GUCY2C: variants seen among roughly 807,000 people sequenced by gnomAD.
The protein encoded by GUCY2C is guanylate cyclase 2C, also known as guanylyl cyclase C.
In GUCY2C, 118 loss-of-function variants were observed where a neutral mutation model predicts 131.1. The ratio of observed to expected loss-of-function variants is 0.90; its 90% CI spans 0.78 to 1.05. The LOEUF (loss-of-function observed/expected upper bound fraction) is 1.05. Among genes scored for constraint, GUCY2C ranks in the 50% least tolerant of loss-of-function variants. The probability of loss-of-function intolerance (pLI) is 0.00; values close to 1 mark genes in which losing one functional copy is unlikely to be tolerated. For missense variants in GUCY2C, 1,161 were observed against 1,304.4 expected (o/e 0.89, Z 1.69); for synonymous variants, 452 against 457.8 (o/e 0.99, Z 0.16).
chr12:14,634,662 T>C (rs1947222931), intron 19 of GUCY2C, among the ~76,000 whole-genome samples: 1 of 152,224 alleles, frequency 6.6e-6, no homozygotes, highest in African/African-American at 2.4e-5. Flanking sequence ...TTAAAAGATA[T>C]AGACTGGTTC....
intron 1 of GUCY2C, among the ~76,000 whole-genome samples, chr12:14,693,373 G>A (rs1033611246): frequency 1.3e-5 from 2 of 152,192 alleles, no homozygotes; most frequent in African/African-American, 4.8e-5. Context: ...ACAGCCTCAG[G>A]GAGGTGATGT....
chr12:14,651,003 T>A lies in GUCY2C; in HGVS notation c.1710+404A>T, dbSNP rs1433632053. 2.0e-5 allele frequency among the ~76,000 whole-genome samples: 3 copies of A among 152,108 alleles called. No homozygotes were observed. In the East Asian group the frequency reaches 5.8e-4, roughly 29 times the overall value. ...CTGGCAACTCCCAGATGATCCTCAGTCCAAGAGTGGAGTAATAATTTGGAC... is the reference window on the plus strand; with the variant it reads ...CTGGCAACTCCCAGATGATCCTCAGACCAAGAGTGGAGTAATAATTTGGAC... On this transcript the variant is annotated intron_variant, in intron 15 of 26. Coordinates refer to ENST00000261170, the MANE Select transcript of GUCY2C (RefSeq NM_004963.4).
chr12:14,689,697 C>T lies in GUCY2C; in HGVS notation c.218-1634G>A, dbSNP rs373787175. On this transcript the variant is annotated intron_variant, in intron 1 of 26. Transcript: ENST00000261170. ...TTTTGATATCTCAAATGAAAACTCA[C>T]GCATGAGGGAATGGCCTTTTACCAG... Among the ~76,000 whole-genome samples, 41 of 152,252 alleles carry T rather than the reference C, an allele frequency of 2.7e-4. 1 individual carries two copies. The highest frequency in any genetic ancestry group is 8.4e-4 in the African/African-American group (35 of 41,538).
rs1432280666 is a variant in GUCY2C at position 14,641,113 on chromosome 12, G to GA, written c.2036_2037insT (p.Phe680LeufsTer11). ...GGTCCCGACAGCTCAAAGTGTAGAA[G>GA]GTTTCTTTCCGCAGGATGATCTCCT... On this transcript the variant is annotated frameshift_variant, in exon 18 of 27. Coordinates refer to ENST00000261170, the MANE Select transcript of GUCY2C (RefSeq NM_004963.4). LOFTEE classifies it high-confidence loss of function. 1 of 1,613,756 alleles carries GA rather than the reference G, an allele frequency of 6.2e-7. No individual in the cohort carries two copies. Among genetic ancestry groups the GA allele is most frequent in the African/African-American group, 1.3e-5 (1 of 75,024 alleles).
At chr12:14,690,787 C>T (rs376817928) in intron 1 of GUCY2C, among the ~76,000 whole-genome samples, 9 of 152,076 alleles carry the variant, frequency 5.9e-5, no homozygotes, top group African/African-American at 9.7e-5. Flanking sequence ...ATGATCCGCC[C>T]GCCTCGGCCT....
At chr12:14,691,721 C>G (rs144057338) in intron 1 of GUCY2C, among the ~76,000 whole-genome samples, 40 of 152,230 alleles carry the variant, frequency 2.6e-4, no homozygotes, top group African/African-American at 9.4e-4. Context: ...CAGCTAAACT[C>G]AAGTAGAAAC....
At chr12:14,665,626 T>C (rs895074754) in intron 10 of GUCY2C, 1 of 152,250 alleles carries the variant, frequency 6.6e-6, no homozygotes, top group Non-Finnish European at 1.5e-5. Flanking sequence ...ATTTTTGTGA[T>C]ACAGGAAGCA....
intron 3 of GUCY2C, among the ~76,000 whole-genome samples, chr12:14,684,852 A>C (rs1050269274): frequency 6.6e-6 from 1 of 151,416 alleles, no homozygotes; most frequent in African/African-American, 2.4e-5. Flanking sequence ...TTATTTTTAA[A>C]CTTTCTGGAG....
chr12:14,625,662 T>C, intron 21 of GUCY2C, 95 bp downstream of exon 21: 1 of 1,291,268 alleles, frequency 7.7e-7, no homozygotes, highest in Non-Finnish European at 1.1e-6. Flanking sequence ...AATAATCTAC[T>C]GAAGAATATA....
intron 6 of GUCY2C, 23 bp from the exon 7 acceptor site, chr12:14,676,994 C>T (rs373400597): frequency 2.3e-6 from 2 of 869,092 alleles, no homozygotes; most frequent in East Asian, 2.7e-5. Flanking sequence ...GCACAGGTTC[C>T]TCATGAAAAT....
chr12:14,660,719 T>C (rs1278727262), intron 11 of GUCY2C, among the ~76,000 whole-genome samples: 1 of 152,236 alleles, frequency 6.6e-6, no homozygotes. Context: ...AGTTGCTAAG[T>C]AACACGCTTA....
chr12:14,677,032 A>G, intron 6 of GUCY2C, 61 bp from the exon 7 acceptor site: 2 of 534,140 alleles, frequency 3.7e-6, no homozygotes, highest in South Asian at 3.4e-5. Context: ...CATCTTCTAT[A>G]GTTCACACAA....
chr12:14,682,986 A>T lies in GUCY2C; in HGVS notation c.611+56T>A. Reference sequence around the variant, plus strand: ...TGGTAATAACTAGGTGGCCTGCATGATCCTATGGCTTCTCTCCATGGCAAG... The same window carrying T: ...TGGTAATAACTAGGTGGCCTGCATGTTCCTATGGCTTCTCTCCATGGCAAG... On this transcript the variant is annotated intron_variant, in intron 4 of 26. Transcript: ENST00000261170. 5 of 1,216,456 alleles carry T rather than the reference A, an allele frequency of 4.1e-6. No individual in the cohort carries two copies. In the South Asian group the frequency reaches 4.9e-5, roughly 12 times the overall value. The allele number at this position is 1,216,456 out of a possible 1,614,324, so 75.4% of individuals were successfully genotyped here.
At chr12:14,679,786 T>A (rs1316619589) in intron 5 of GUCY2C, 33 bp from the exon 6 acceptor site, 1 of 1,075,926 alleles carries the variant, frequency 9.3e-7, no homozygotes, top group South Asian at 1.3e-5. Flanking sequence ...GAGAGAAATA[T>A]ATGACAGTCT....
intron 4 of GUCY2C, 86 bp downstream of exon 4, chr12:14,682,956 G>A (rs908867610): frequency 4.9e-6 from 4 of 820,402 alleles, no homozygotes; most frequent in South Asian, 3.0e-5. Flanking sequence ...AGTGGAAGGT[G>A]CATCTGGTAA....
intron 25 of GUCY2C, among the ~76,000 whole-genome samples, chr12:14,615,571 A>T (rs1041122372): frequency 6.6e-6 from 1 of 150,644 alleles, no homozygotes; most frequent in African/African-American, 2.4e-5. Flanking sequence ...CACTATTTTT[A>T]AAAAATGAGT....
chr12:14,653,788 ACT>A (rs1361086977), intron 12 of GUCY2C, among the ~76,000 whole-genome samples: 5 of 152,114 alleles, frequency 3.3e-5, no homozygotes, highest in Non-Finnish European at 7.3e-5. Context: ...GAGTGAAATG[ACT>A]CTCTGAAGGT....
Position 14,687,910 on chromosome 12 carries a change from C to T in GUCY2C, c.330+41G>A, listed in dbSNP as rs1217374936. 3.8e-6 allele frequency: 4 copies of T among 1,041,086 alleles called. No homozygotes were observed. The African/African-American group carries it at 4.7e-5, about 12-fold the overall frequency. The allele number at this position is 1,041,086 out of a possible 1,614,324, so 64.5% of individuals were successfully genotyped here. ...CATTTCACACTGGGATTATCCTGTGCCCAGAGGCCATGAGCTGCATCCACA... is the reference window on the plus strand; with the variant it reads ...CATTTCACACTGGGATTATCCTGTGTCCAGAGGCCATGAGCTGCATCCACA... On this transcript the variant is annotated intron_variant, in intron 2 of 26. Coordinates refer to ENST00000261170, the MANE Select transcript of GUCY2C (RefSeq NM_004963.4).
chr12:14,623,444 T>A (rs1946935767), intron 21 of GUCY2C, among the ~76,000 whole-genome samples: 1 of 152,236 alleles, frequency 6.6e-6, no homozygotes, highest in Non-Finnish European at 1.5e-5. Flanking sequence ...ATTCCTTTGG[T>A]GTGGCTTGGA....
Sources: gnomAD v4.1 joint callset for allele counts (sites outside exome capture counted in the v4.1 genomes callset) on GRCh38, gnomAD v4.1.1 for gene constraint, MANE v1.5 for transcripts, NCBI Gene and HGNC (gene_info 2026-07-23, HGNC 2026-07-21) for gene names.